FANCC: variants seen among roughly 807,000 people sequenced by gnomAD.
The protein encoded by FANCC is Fanconi anemia group C protein.
A neutral mutation model predicts 71.3 loss-of-function variants in FANCC; 55 were observed. That is an observed-to-expected ratio of 0.77 (90% CI 0.62 to 0.97). The LOEUF is 0.97. FANCC is among the 50% of genes least tolerant of loss of function. The probability of loss-of-function intolerance (pLI) is 0.00; values close to 1 mark genes in which losing one functional copy is unlikely to be tolerated. For synonymous variants in FANCC, 275 were observed against 244.9 expected (o/e 1.12, Z -1.15); for missense variants, 678 against 670.9 (o/e 1.01, Z -0.12).
chr9:95,146,675 G>T (rs937894377), intron 7 of FANCC, among the ~76,000 whole-genome samples: 3 of 151,846 alleles, frequency 2.0e-5, no homozygotes, highest in Non-Finnish European at 4.4e-5. Context: ...GACGGAGAGG[G>T]CTCTGCAAAT....
At chr9:95,225,770 T>A (rs1156437898) in intron 4 of FANCC, among the ~76,000 whole-genome samples, 1 of 152,072 alleles carries the variant, frequency 6.6e-6, no homozygotes, top group African/African-American at 2.4e-5. Context: ...AAAACAAAAC[T>A]TCCAAACAAA....
At chr9:95,293,300 G>A (rs1191448635) in intron 1 of FANCC, 13 of 1,613,198 alleles carry the variant, frequency 8.1e-6, no homozygotes, top group East Asian at 6.7e-5. Context: ...GCCTACAGCC[G>A]ACTCCTCAGC....
At chr9:95,176,813 C>T (rs1826037761) in intron 4 of FANCC, among the ~76,000 whole-genome samples, 1 of 152,224 alleles carries the variant, frequency 6.6e-6, no homozygotes, top group Admixed American at 6.5e-5. Context: ...TGAGCAGTAA[C>T]AGCTAAGGGT....
chr9:95,208,325 G>C (rs567549953), intron 4 of FANCC, among the ~76,000 whole-genome samples: 1 of 151,910 alleles, frequency 6.6e-6, no homozygotes, highest in Non-Finnish European at 1.5e-5. Context: ...TTGAACTCCT[G>C]ACCTCAGGTG....
intron 3 of FANCC, among the ~76,000 whole-genome samples, chr9:95,245,321 T>A (rs916382719): frequency 2.0e-5 from 3 of 152,002 alleles, no homozygotes; most frequent in African/African-American, 7.2e-5. Flanking sequence ...AACAGCATAG[T>A]GAACATGGAC....
rs2071037991 is a variant in FANCC, at chr9:95,100,538, A to AAAAG, written c.*1165_*1168dup. ...CTCACTTGACAAACAGAATAGACAC[A>AAAAG]AAAGAATGTACAACCAATACAATTC... On this transcript the variant is annotated 3_prime_UTR_variant, in exon 15 of 15. Coordinates refer to ENST00000289081, the MANE Select transcript of FANCC (RefSeq NM_000136.3). The AAAAG allele has an allele frequency of 4.3e-6, 1 of 231,914 alleles. No homozygotes were observed. The highest frequency in any genetic ancestry group is 1.8e-4 in the South Asian group (1 of 5,516). 14.4% of individuals were successfully genotyped at this position (231,914 alleles called of 1,614,324 possible).
chr9:95,246,436 T>C (rs1019839230), intron 3 of FANCC, among the ~76,000 whole-genome samples: 1 of 152,252 alleles, frequency 6.6e-6, no homozygotes, highest in African/African-American at 2.4e-5. Flanking sequence ...CAAAGGGGAA[T>C]ATTCATTTTA....
chr9:95,294,389 A>T, intron 1 of FANCC: 2 of 1,599,768 alleles, frequency 1.3e-6, no homozygotes, highest in Non-Finnish European at 1.7e-6. Flanking sequence ...ACCTCTGCTC[A>T]GTCCTATGGG....
rs140376083 is a variant in FANCC at position 95,195,072 on chromosome 9, C to T, written c.346-22925G>A. Reference sequence around the variant, plus strand: ...AATTAGCTTGGCGTGGTGGCACGTGCCTGCAGTCCCAGCTACTTGGGAGGC... The same window carrying T: ...AATTAGCTTGGCGTGGTGGCACGTGTCTGCAGTCCCAGCTACTTGGGAGGC... On this transcript the variant is annotated intron_variant, in intron 4 of 14. Coordinates refer to ENST00000289081, the MANE Select transcript of FANCC (RefSeq NM_000136.3). Among the ~76,000 whole-genome samples, 501 of 152,040 alleles carry T rather than the reference C, an allele frequency of 3.3e-3. 8 individuals carry two copies. The East Asian group carries it at 0.043, about 13-fold the overall frequency.
intron 1 of FANCC, among the ~76,000 whole-genome samples, chr9:95,260,240 T>A (rs1208471321): frequency 1.3e-5 from 2 of 152,128 alleles, no homozygotes; most frequent in African/African-American, 4.8e-5. Flanking sequence ...CATGCACACA[T>A]GTATGTTTAT....
chr9:95,314,273 C>T (rs1012520309), intron 1 of FANCC, among the ~76,000 whole-genome samples: 4 of 152,232 alleles, frequency 2.6e-5, no homozygotes, highest in African/African-American at 9.6e-5. Context: ...TGTTTATATA[C>T]TGACAACAAT....
intron 4 of FANCC, among the ~76,000 whole-genome samples, chr9:95,194,618 CAT>C (rs1185003286): frequency 1.3e-5 from 2 of 151,984 alleles, no homozygotes; most frequent in Non-Finnish European, 2.9e-5. Flanking sequence ...AATATCTTGT[CAT>C]GTGTTTATTT....
At chr9:95,222,144 C>T (rs1209016393) in intron 4 of FANCC, among the ~76,000 whole-genome samples, 1 of 122,552 alleles carries the variant, frequency 8.2e-6, no homozygotes, top group East Asian at 2.3e-4. Flanking sequence ...GCCTGAGCAG[C>T]AGAGCAAGGC....
At chr9:95,159,108 G>A (rs753341150) in intron 6 of FANCC, among the ~76,000 whole-genome samples, 14 of 151,670 alleles carry the variant, frequency 9.2e-5, no homozygotes, top group Non-Finnish European at 1.6e-4. Flanking sequence ...AGGTATACAC[G>A]TGCCATGTTG....
intron 6 of FANCC, among the ~76,000 whole-genome samples, chr9:95,165,822 A>G (rs1831033156): frequency 6.6e-6 from 1 of 151,848 alleles, no homozygotes; most frequent in African/African-American, 2.4e-5. Flanking sequence ...TTCAAGTTCT[A>G]TTTTTTTATT....
intron 1 of FANCC, among the ~76,000 whole-genome samples, chr9:95,257,055 A>G (rs1405586015): frequency 6.6e-6 from 1 of 152,224 alleles, no homozygotes; most frequent in Non-Finnish European, 1.5e-5. Context: ...AGAGGCCTAC[A>G]AAGAGACTCA....
intron 4 of FANCC, among the ~76,000 whole-genome samples, chr9:95,209,401 G>A (rs1213924030): frequency 1.3e-5 from 2 of 152,182 alleles, no homozygotes; most frequent in Admixed American, 6.5e-5. Context: ...GATGTGTCAG[G>A]ACAGGTTCAT....
At chr9:95,172,718 G>C (rs996270516) in intron 4 of FANCC, among the ~76,000 whole-genome samples, 1 of 152,038 alleles carries the variant, frequency 6.6e-6, no homozygotes, top group Non-Finnish European at 1.5e-5. Context: ...GATTCTCACC[G>C]GGTATTATTC....
intron 6 of FANCC, among the ~76,000 whole-genome samples, chr9:95,161,837 C>G (rs1390362063): frequency 8.1e-6 from 1 of 123,896 alleles, no homozygotes; most frequent in Admixed American, 9.1e-5. Flanking sequence ...TGCTTCTTTT[C>G]TTTTCTTTTT....
Sources: gnomAD v4.1 joint callset for allele counts (sites outside exome capture counted in the v4.1 genomes callset) on GRCh38, gnomAD v4.1.1 for gene constraint, MANE v1.5 for transcripts, NCBI Gene and HGNC (gene_info 2026-07-23, HGNC 2026-07-21) for gene names.